TLL2: variants seen among roughly 807,000 people sequenced by gnomAD.
The protein encoded by TLL2 is tolloid like 2.
In TLL2, 106 loss-of-function variants were observed where a neutral mutation model predicts 123.0. The observed-to-expected ratio is 0.86, with a 90% confidence interval of 0.74 to 1.01. The LOEUF (loss-of-function observed/expected upper bound fraction) is 1.01. Ranked by LOEUF, TLL2 falls within the 50% of genes least tolerant of loss-of-function variation. TLL2 has a pLI of 0.00. For missense variants in TLL2, 1,332 were observed against 1,336.7 expected, an observed-to-expected ratio of 1.00 and a Z score of 0.06; for synonymous variants, 494 against 516.8, an observed-to-expected ratio of 0.96 and a Z score of 0.60.
At chr10:96,482,327 G>C (rs1234874021) in intron 1 of TLL2, among the ~76,000 whole-genome samples, 1 of 151,710 alleles carries the variant, frequency 6.6e-6, no homozygotes, top group African/African-American at 2.4e-5. Context: ...AACTCCTAGG[G>C]ATCTTTCCAA....
At chr10:96,450,397 C>A (rs755995469) in intron 2 of TLL2, among the ~76,000 whole-genome samples, 8 of 152,096 alleles carry the variant, frequency 5.3e-5, no homozygotes, top group Non-Finnish European at 1.0e-4. Flanking sequence ...GGGTCCCACC[C>A]CCGCCGGAGG....
At chr10:96,411,169 G>C (rs1846501393) in intron 8 of TLL2, among the ~76,000 whole-genome samples, 2 of 150,126 alleles carry the variant, frequency 1.3e-5, no homozygotes, top group East Asian at 3.9e-4. Context: ...CTTGAGCCTG[G>C]GAGGCTGGGA....
At chr10:96,392,997 G>A (rs1846302868) in intron 13 of TLL2, among the ~76,000 whole-genome samples, 1 of 152,244 alleles carries the variant, frequency 6.6e-6, no homozygotes, top group Non-Finnish European at 1.5e-5. Context: ...TGATGCAGCA[G>A]AGAGAATGTG....
Position 96,410,342 on chromosome 10 carries a change from G to A in TLL2, c.1164+17C>T. 6.2e-7 allele frequency: 1 copy of A among 1,600,856 alleles called. No individual in the cohort carries two copies. The highest frequency in any genetic ancestry group is 8.5e-7 in the Non-Finnish European group (1 of 1,169,886). On this transcript the variant is annotated intron_variant, in intron 9 of 20. Coordinates refer to ENST00000357947, the MANE Select transcript of TLL2 (RefSeq NM_012465.4). ...CAAGGAGTGCCGTCCCATTTGCCAA[G>A]GGGGCTTCCCACCTACCTTTTCCCC...
At position 96,370,322 on chromosome 10, in the gene TLL2, CAG is replaced by C. The variant is rs1846070125; in HGVS notation, c.2663-9_2663-8del. On this transcript the variant is annotated splice_region_variant and splice_polypyrimidine_tract_variant and intron_variant, in intron 19 of 20. Transcript: ENST00000357947. ...TTCAGCCTGCCCCCGCACTCTGGAG[CAG>C]AGAGAAGTGAGATGTCCCCTCAGCA... 1 of 1,556,216 alleles carries C rather than the reference CAG, an allele frequency of 6.4e-7. No homozygotes were observed. The highest frequency in any genetic ancestry group is 8.7e-7 in the Non-Finnish European group (1 of 1,148,852).
At chr10:96,387,246 A>C (rs1470760756) in intron 13 of TLL2, among the ~76,000 whole-genome samples, 168 bp from the exon 14 acceptor site, 1 of 152,224 alleles carries the variant, frequency 6.6e-6, no homozygotes, top group East Asian at 1.9e-4. Context: ...ACCAGGCAGC[A>C]GCTACAGTGA....
intron 1 of TLL2, among the ~76,000 whole-genome samples, chr10:96,481,684 T>G (rs1287701299): frequency 6.6e-6 from 1 of 152,200 alleles, no homozygotes; most frequent in Non-Finnish European, 1.5e-5. Flanking sequence ...TGGTTTCAAA[T>G]GAAGACATGG....
chr10:96,455,356 C>T (rs1345040281), intron 2 of TLL2, among the ~76,000 whole-genome samples: 1 of 152,164 alleles, frequency 6.6e-6, no homozygotes, highest in Admixed American at 6.5e-5. Context: ...CCAAGATACA[C>T]TGGGTAATTG....
intron 1 of TLL2, among the ~76,000 whole-genome samples, chr10:96,484,457 T>C (rs1451444938): frequency 6.6e-6 from 1 of 152,136 alleles, no homozygotes; most frequent in African/African-American, 2.4e-5. Context: ...ATGATCTGTA[T>C]TCATATTCTG....
intron 1 of TLL2, among the ~76,000 whole-genome samples, chr10:96,484,189 G>A (rs1273185587): frequency 6.6e-6 from 1 of 152,090 alleles, no homozygotes; most frequent in Non-Finnish European, 1.5e-5. Flanking sequence ...GAAGTGACAT[G>A]TGTCACTTCC....
At chr10:96,498,038 C>T (rs928356151) in intron 1 of TLL2, among the ~76,000 whole-genome samples, 4 of 152,148 alleles carry the variant, frequency 2.6e-5, no homozygotes, top group Non-Finnish European at 5.9e-5. Flanking sequence ...CCTAATAACC[C>T]AAAGCTTCTT....
rs1846951504 is a variant in TLL2, at chr10:96,450,829, G to A, written c.287-4661C>T. Among the ~76,000 whole-genome samples the A allele has an allele frequency of 2.6e-5, 4 of 151,680 alleles. No homozygotes were observed. In the South Asian group the frequency reaches 8.3e-4, roughly 32 times the overall value. On this transcript the variant is annotated intron_variant, in intron 2 of 20. Transcript: ENST00000357947. ...GGGTATGGGGATGTATTTTTCCTTG[G>A]GTGTGATTGCAAGACAAAAAAAAAG...
intron 3 of TLL2, 88 bp downstream of exon 3, chr10:96,446,003 T>G (rs1168700414): frequency 9.6e-6 from 13 of 1,349,038 alleles, no homozygotes; most frequent in African/African-American, 2.9e-5. Flanking sequence ...AAGGGTATGC[T>G]TTAAAATGGT....
chr10:96,379,016 C>G lies in TLL2; in HGVS notation c.2271G>C (p.Arg757Ser), dbSNP rs751468416. 6.2e-7 allele frequency: 1 copy of G among 1,614,252 alleles called. No homozygotes were observed. Among genetic ancestry groups the G allele is most frequent in the Non-Finnish European group, 8.5e-7 (1 of 1,180,042 alleles). Residue 757 changes from arginine (R) to serine (S), a missense_variant, in exon 17 of 21, where the codon AGG becomes AGC. Transcript: ENST00000357947. ...CGTGGAGCCAGTAGCCGTTTCTGCACCTGCACAGGTAGCTCCCGAAGGTGT... is the reference window on the plus strand; with the variant it reads ...CGTGGAGCCAGTAGCCGTTTCTGCAGCTGCACAGGTAGCTCCCGAAGGTGT... ...CVNTFGSYLC[R>S]CRNGYWLHEN...
In TLL2 at chr10:96,422,566, CTGA is replaced by C. The variant is rs748105940; in HGVS notation, c.797_799del (p.Ile266del). On this transcript the variant is annotated inframe_deletion, in exon 6 of 21. Coordinates refer to ENST00000357947, the MANE Select transcript of TLL2 (RefSeq NM_012465.4). Reference sequence around the variant, plus strand: ...CTCCTTACCTGGCTGGATGTTTTCCCTGATGATGGTGACATGTTGGTCTCTGTC... The same window carrying C: ...CTCCTTACCTGGCTGGATGTTTTCCCTGATGGTGACATGTTGGTCTCTGTC... 3.7e-6 allele frequency: 6 copies of C among 1,614,122 alleles called. No individual in the cohort carries two copies. The highest frequency in any genetic ancestry group is 1.3e-5 in the African/African-American group (1 of 75,034).
intron 1 of TLL2, among the ~76,000 whole-genome samples, chr10:96,487,090 T>C (rs1847363932): frequency 6.6e-6 from 1 of 152,232 alleles, no homozygotes; most frequent in Non-Finnish European, 1.5e-5. Flanking sequence ...TGGGTTCCAA[T>C]CCCAGTGCCA....
At chr10:96,377,734 C>T (rs908360466) in intron 17 of TLL2, among the ~76,000 whole-genome samples, 1 of 152,190 alleles carries the variant, frequency 6.6e-6, no homozygotes, top group South Asian at 2.1e-4. Flanking sequence ...GAAACAGCTT[C>T]GAGGATGTTC....
At chr10:96,396,120 T>G (rs1846337640) in intron 11 of TLL2, 100 bp from the exon 12 acceptor site, 2 of 1,383,544 alleles carry the variant, frequency 1.4e-6, no homozygotes. Flanking sequence ...TTGCCACCAC[T>G]AGGTGGCTCC....
At chr10:96,376,666 C>A (rs1438219765) in intron 18 of TLL2, 26 bp downstream of exon 18, 4 of 1,608,888 alleles carry the variant, frequency 2.5e-6, no homozygotes, top group Non-Finnish European at 3.4e-6. Flanking sequence ...AGTCCACATT[C>A]TCAATAAACT....
Sources: allele counts gnomAD v4.1 joint callset (sites outside exome capture counted in the v4.1 genomes callset), GRCh38; gene constraint gnomAD v4.1.1; transcripts MANE v1.5; gene names NCBI Gene and HGNC (gene_info 2026-07-23, HGNC 2026-07-21).